The following TPPP2 variants were observed in gnomAD, a reference collection of about 807,000 sequenced individuals.
TPPP2 encodes the protein tubulin polymerization-promoting protein family member 2.
TPPP2 carries 8 observed loss-of-function variants against 13.0 expected under a neutral mutation model. That is an observed-to-expected ratio of 0.62 (90% CI 0.36 to 1.11). The LOEUF (loss-of-function observed/expected upper bound fraction) is 1.11. Among genes scored for constraint, TPPP2 ranks in the 50% most tolerant of loss-of-function variants. The pLI is 0.02. For synonymous variants in TPPP2, 81 were observed against 81.8 expected (o/e 0.99, Z 0.05); for missense variants, 213 against 216.9 (o/e 0.98, Z 0.11).
upstream of TPPP2, chr14:21,025,729 A>G (rs1883507283): frequency 3.6e-6 from 2 of 560,734 alleles, no homozygotes; most frequent in Non-Finnish European, 4.4e-6. This position sits in a 1 kb window ranked among gnomAD's most constrained non-coding sequence, Gnocchi z 5.1. Flanking sequence ...CTCCGGGAGA[A>G]GTTGGACAAC....
At chr14:21,033,582 G>A, downstream of TPPP2, 1 of 572,380 alleles carries the variant, frequency 1.7e-6, no homozygotes, top group East Asian at 2.9e-5. Context: ...TCTGGGAGAG[G>A]AAGGATGATG....
intron 3 of TPPP2, among the ~76,000 whole-genome samples, chr14:21,031,668 C>T (rs376895888): frequency 2.0e-5 from 3 of 152,096 alleles, no homozygotes; most frequent in South Asian, 4.1e-4. Context: ...CCTCTGCACA[C>T]GCCACACTCA....
chr14:21,026,146 GCACACGCACACACACACA>G (rs746564380), upstream of TPPP2, among the ~76,000 whole-genome samples: 237 of 151,768 alleles, frequency 1.6e-3, no homozygotes, highest in Non-Finnish European at 2.8e-3. Flanking sequence ...ACACACACAC[GCACACGCACACACACACA>G]CACACCCTGG....
downstream of TPPP2, chr14:21,033,422 G>A (rs1329643567): frequency 1.7e-5 from 5 of 288,474 alleles, no homozygotes; most frequent in East Asian, 4.6e-4. Flanking sequence ...AAGGCTGGTG[G>A]GGATGGGGAG....
downstream of TPPP2, chr14:21,036,094 T>G (rs1191867688): frequency 7.1e-6 from 3 of 423,944 alleles, no homozygotes; most frequent in East Asian, 2.1e-4. Flanking sequence ...CGGCACATGG[T>G]GAGTCCTCAG....
chr14:21,034,596 T>C, downstream of TPPP2: 1 of 315,094 alleles, frequency 3.2e-6, no homozygotes. Context: ...CCAAGAGTCC[T>C]TGGGCCCCTG....
chr14:21,029,480 C>T (rs1330264693), upstream of TPPP2, among the ~76,000 whole-genome samples: 1 of 152,102 alleles, frequency 6.6e-6, no homozygotes, highest in African/African-American at 2.4e-5. Context: ...TGGGCTAATC[C>T]CAGCTACTGG....
Position 21,025,072 on chromosome 14 carries a change from C to T in TPPP2, n.236+728C>T, listed in dbSNP as rs944029466. The T allele has an allele frequency of 3.9e-5, 38 of 986,022 alleles. No homozygotes were observed. The highest frequency in any genetic ancestry group is 4.2e-5 in the Non-Finnish European group (35 of 830,622). 61.1% of individuals were successfully genotyped at this position (986,022 alleles called of 1,614,324 possible). On this transcript the variant is annotated intron_variant and non_coding_transcript_variant, in intron 1 of 1. Transcript: ENST00000533755. The surrounding 1 kb of genome is among the most constrained non-coding windows in gnomAD (Gnocchi z 5.1). ...CTTCCACCTTCACTTGCCTTTGACT[C>T]GGGCCCGCCCCGGCTCGGGCTTCCC...
At chr14:21,028,022 A>G (rs1263174230), upstream of TPPP2, among the ~76,000 whole-genome samples, 3 of 152,232 alleles carry the variant, frequency 2.0e-5, no homozygotes, top group Non-Finnish European at 4.4e-5. Flanking sequence ...CTCACTGTAC[A>G]GATGAGAAAA....
chr14:21,027,083 C>G (rs1217214857), upstream of TPPP2, among the ~76,000 whole-genome samples: 1 of 152,168 alleles, frequency 6.6e-6, no homozygotes, highest in African/African-American at 2.4e-5. Context: ...GATAAGGGGC[C>G]TACGCAGGGG....
chr14:21,033,815 GA>G, downstream of TPPP2: 1 of 1,589,178 alleles, frequency 6.3e-7, no homozygotes, highest in Non-Finnish European at 8.6e-7. Context: ...AGTGGCTCAG[GA>G]ATTAAATTCC....
chr14:21,031,655 C>T (rs1447234412), intron 3 of TPPP2, among the ~76,000 whole-genome samples: 2 of 152,082 alleles, frequency 1.3e-5, no homozygotes, highest in African/African-American at 2.4e-5. Context: ...AAAACCTACC[C>T]TCCCTCTGCA....
chr14:21,035,548 G>A (rs985815557), downstream of TPPP2, among the ~76,000 whole-genome samples: 4 of 152,162 alleles, frequency 2.6e-5, no homozygotes, highest in African/African-American at 9.7e-5. Context: ...CCAGATTTGG[G>A]GCCTCCTCTT....
chr14:21,027,908 C>T (rs768532), upstream of TPPP2, among the ~76,000 whole-genome samples: 21,471 of 152,112 alleles, frequency 0.14, 1,675 homozygotes, highest in African/African-American at 0.2. Flanking sequence ...ACAGAGAGAG[C>T]ATGAAGGACA....
At position 21,032,305 on chromosome 14, in the gene TPPP2, AT is replaced by A; in HGVS notation, c.*230del. The A allele has an allele frequency of 1.6e-6, 1 of 632,368 alleles. No homozygotes were observed. Among genetic ancestry groups the A allele is most frequent in the Non-Finnish European group, 2.9e-6 (1 of 340,464 alleles). The allele number at this position is 632,368 out of a possible 1,614,324, so 39.2% of individuals were successfully genotyped here. On this transcript the variant is annotated 3_prime_UTR_variant, in exon 4 of 4. Transcript: ENST00000321760. ...TTATGCCTACCAGCCATCAGTTAGCATTCCTCCTCAACAGCTGCTTCCAAGA... is the reference window on the plus strand; with the variant it reads ...TTATGCCTACCAGCCATCAGTTAGCATCCTCCTCAACAGCTGCTTCCAAGA...
chr14:21,031,478 T>C (rs1884134616), intron 3 of TPPP2, among the ~76,000 whole-genome samples: 2 of 152,206 alleles, frequency 1.3e-5, no homozygotes, highest in South Asian at 4.1e-4. Flanking sequence ...CCACTCCTCT[T>C]CCAATTCTTA....
chr14:21,032,549 G>A lies in TPPP2; in HGVS notation c.*472G>A. On this transcript the variant is annotated 3_prime_UTR_variant, in exon 4 of 4. Coordinates refer to ENST00000321760, the MANE Select transcript of TPPP2 (RefSeq NM_173846.5). The stretch of plus-strand genomic sequence containing the variant: ...ATCTGTTGCAATTCAGGTTTTTTGG[G>A]TGGAGGAGTAGAAGCCAGCTAAGGT... 2.9e-6 allele frequency: 1 copy of A among 346,798 alleles called. No homozygotes were observed. The highest frequency in any genetic ancestry group is 2.1e-5 in the South Asian group (1 of 46,686). The allele number at this position is 346,798 out of a possible 1,614,324, so 21.5% of individuals were successfully genotyped here. A position where few individuals can be genotyped will look rare whatever the true frequency, so the allele number is the denominator to read the frequency against.
upstream of TPPP2, chr14:21,025,240 C>T: frequency 3.6e-6 from 3 of 835,688 alleles, no homozygotes; most frequent in Non-Finnish European, 4.3e-6. The surrounding 1 kb of genome is among the most constrained non-coding windows in gnomAD (Gnocchi z 5.1). Flanking sequence ...GGCCGGGGGG[C>T]GAGGGGCGGG....
downstream of TPPP2, chr14:21,036,183 T>A (rs975950086): frequency 4.4e-6 from 2 of 456,220 alleles, no homozygotes; most frequent in African/African-American, 4.0e-5. Flanking sequence ...TTCTTATTTC[T>A]TCCTCAGTGG....
Sources: gnomAD v4.1 joint callset for allele counts (sites outside exome capture counted in the v4.1 genomes callset) on GRCh38, gnomAD v4.1.1 for gene constraint, Gnocchi (gnomAD v3.1) non-coding constraint, MANE v1.5 for transcripts, NCBI Gene and HGNC (gene_info 2026-07-23, HGNC 2026-07-21) for gene names.